CIBAR2: variants seen among roughly 807,000 people sequenced by gnomAD.
CIBAR2 encodes CBY1-interacting BAR domain-containing protein 2.
Under a neutral mutation model 36.2 loss-of-function variants are expected in CIBAR2, and 38 were observed. The ratio of observed to expected loss-of-function variants is 1.05; its 90% confidence interval spans 0.81 to 1.38. CIBAR2 has a LOEUF of 1.38. CIBAR2 is among the 40% of genes most tolerant of loss of function. The pLI is 0.00. For missense variants in CIBAR2, 481 were observed against 383.4 expected, an observed-to-expected ratio of 1.25 and a Z score of -2.13; for synonymous variants, 182 against 149.5, an observed-to-expected ratio of 1.22 and a Z score of -1.58.
rs1304635954 is a variant in CIBAR2 at position 85,110,223 on chromosome 16, C to G, written c.255+3G>C. 6.4e-7 allele frequency: 1 copy of G among 1,555,470 alleles called. No homozygotes were observed. Among genetic ancestry groups the G allele is most frequent in the Non-Finnish European group, 8.7e-7 (1 of 1,146,054 alleles). ...ATCCCAGACCCGGGCCGGCAGCACT[C>G]ACCTGGGCCTGCCGGTAATCCTGCA... On this transcript the variant is annotated splice_donor_region_variant and intron_variant, in intron 2 of 8. Coordinates refer to ENST00000539556, the MANE Select transcript of CIBAR2 (RefSeq NM_198491.3).
chr16:85,107,719 G>T (rs376227010), intron 4 of CIBAR2, 47 bp from the exon 5 acceptor site: 8 of 1,612,368 alleles, frequency 5.0e-6, no homozygotes, highest in Non-Finnish European at 6.8e-6. Context: ...AGGCAGCCCC[G>T]TTGGGGTGGT....
intron 6 of CIBAR2, among the ~76,000 whole-genome samples, chr16:85,103,005 G>A (rs1036563490): frequency 5.9e-5 from 9 of 151,820 alleles, no homozygotes; most frequent in African/African-American, 2.2e-4. Flanking sequence ...GGGTTCAAGC[G>A]ATTCTCCTGC....
At position 85,102,364 on chromosome 16, in the gene CIBAR2, A is replaced by T. The variant is rs111501652; in HGVS notation, c.538-37T>A. On this transcript the variant is annotated intron_variant, in intron 6 of 8. Transcript: ENST00000539556. Reference sequence around the variant, plus strand: ...GAAACCCAAAGAATGTAAGCATCGCAGTGAGAAAGAGCCCAGGGAAGCCTG... The same window carrying T: ...GAAACCCAAAGAATGTAAGCATCGCTGTGAGAAAGAGCCCAGGGAAGCCTG... 3,800 of 1,277,464 alleles carry T rather than the reference A, an allele frequency of 3.0e-3. 91 individuals are homozygous for T. The African/African-American group carries it at 0.049, about 17-fold the overall frequency. The allele number at this position is 1,277,464 out of a possible 1,614,324, so 79.1% of individuals were successfully genotyped here.
intron 5 of CIBAR2, among the ~76,000 whole-genome samples, chr16:85,106,409 G>A (rs1005439370): frequency 1.3e-5 from 2 of 152,162 alleles, no homozygotes; most frequent in African/African-American, 4.8e-5. Context: ...GGTAGCAGGT[G>A]GAATGAAGGT....
At position 85,105,437 on chromosome 16, in the gene CIBAR2, C is replaced by A; in HGVS notation, c.433-6G>T. On this transcript the variant is annotated splice_polypyrimidine_tract_variant and splice_region_variant and intron_variant, in intron 5 of 8. Transcript: ENST00000539556. ...CTCTGCACTCTGGTCTCTGCCTGGC[C>A]CCAGGGACACAAGACGTAGAAAGTG... The A allele has an allele frequency of 1.2e-6, 2 of 1,608,978 alleles. No homozygotes were observed. The highest frequency in any genetic ancestry group is 1.7e-6 in the Non-Finnish European group (2 of 1,175,734).
At chr16:85,100,101 C>T (rs1426020357) in intron 8 of CIBAR2, 38 bp downstream of exon 8, 2 of 1,535,148 alleles carry the variant, frequency 1.3e-6, no homozygotes. Context: ...CCGTGCACGA[C>T]ATTTTAGGTG....
Position 85,105,352 on chromosome 16 carries a change from T to C in CIBAR2, c.512A>G (p.Gln171Arg). The C allele has an allele frequency of 1.2e-6, 2 of 1,613,500 alleles. No homozygotes were observed. Among genetic ancestry groups the C allele is most frequent in the South Asian group, 2.2e-5 (2 of 91,076 alleles). ...LQLEETVDGFQRQKLKDLQKF... is the reference protein window; with the variant it reads ...LQLEETVDGFRRQKLKDLQKF... The stretch of plus-strand genomic sequence containing the variant: ...CTGCAGGTCCTTGAGCTTCTGCCTC[T>C]GGAAGCCATCCACAGTCTCCTCCAG... Residue 171 changes from glutamine (Q) to arginine (R), a missense_variant, in exon 6 of 9, where the codon CAG becomes CGG. Transcript: ENST00000539556.
In CIBAR2 at chr16:85,099,120, G is replaced by A; in HGVS notation, c.*65C>T. ...CAAAGAAAAAAGAATCAGAAAATAA[G>A]AACAAAGCCTCCAGGCAGTCTGGGA... On this transcript the variant is annotated 3_prime_UTR_variant, in exon 9 of 9. Coordinates refer to ENST00000539556, the MANE Select transcript of CIBAR2 (RefSeq NM_198491.3). 6.9e-7 allele frequency: 1 copy of A among 1,439,730 alleles called. No homozygotes were observed. The highest frequency in any genetic ancestry group is 9.2e-7 in the Non-Finnish European group (1 of 1,091,892). The allele number at this position is 1,439,730 out of a possible 1,614,324, so 89.2% of individuals were successfully genotyped here. A position where few individuals can be genotyped will look rare whatever the true frequency, so the allele number is the denominator to read the frequency against.
chr16:85,102,091 A>C, intron 7 of CIBAR2, 123 bp downstream of exon 7: 1 of 636,040 alleles, frequency 1.6e-6, no homozygotes, highest in South Asian at 1.9e-5. Flanking sequence ...CTTCATCAGC[A>C]TGAGTCTTCA....
At chr16:85,103,646 C>T (rs141020268) in intron 6 of CIBAR2, among the ~76,000 whole-genome samples, 1 of 152,354 alleles carries the variant, frequency 6.6e-6, no homozygotes, top group East Asian at 1.9e-4. Context: ...GTTTCAGTTT[C>T]TCCTTGCCAT....
At chr16:85,106,812 C>T (rs903564890) in intron 5 of CIBAR2, among the ~76,000 whole-genome samples, 2 of 152,172 alleles carry the variant, frequency 1.3e-5, no homozygotes, top group South Asian at 2.1e-4. Flanking sequence ...CCAGAAACAT[C>T]GCCAGAGAGT....
rs1157034835 is a variant in CIBAR2, at chr16:85,107,830, T to G, written c.426+16A>C. 1.2e-6 allele frequency: 2 copies of G among 1,609,026 alleles called. No individual in the cohort carries two copies. Among genetic ancestry groups the G allele is most frequent in the Non-Finnish European group, 1.7e-6 (2 of 1,175,468 alleles). On this transcript the variant is annotated intron_variant, in intron 4 of 8. Transcript: ENST00000539556. ...CTGGCCCGGCAGCCCCAGGCCCCAC[T>G]TCCAGGGAAGGATACGATCATTTGC...
chr16:85,100,062 C>G, intron 8 of CIBAR2, 77 bp downstream of exon 8: 1 of 1,142,656 alleles, frequency 8.8e-7, no homozygotes, highest in East Asian at 2.6e-5. Flanking sequence ...TCCTCTAATC[C>G]CTGGGGTTAC....
At chr16:85,111,603 T>TG (rs922056875) in intron 1 of CIBAR2, among the ~76,000 whole-genome samples, 4 of 152,178 alleles carry the variant, frequency 2.6e-5, no homozygotes, top group Non-Finnish European at 5.9e-5. Context: ...CCCAGCTCTT[T>TG]GGGGGGCCGA....
chr16:85,107,704 A>G, intron 4 of CIBAR2, 32 bp from the exon 5 acceptor site: 1 of 1,613,900 alleles, frequency 6.2e-7, no homozygotes, highest in Non-Finnish European at 8.5e-7. Context: ...AACCAAGTTA[A>G]GCCCAGGCAG....
At chr16:85,104,102 G>A (rs1161126180) in intron 6 of CIBAR2, among the ~76,000 whole-genome samples, 1 of 152,242 alleles carries the variant, frequency 6.6e-6, no homozygotes, top group African/African-American at 2.4e-5. Flanking sequence ...TGGCAGCCCC[G>A]TGGGAGCAGA....
chr16:85,104,085 C>A (rs1031827018), intron 6 of CIBAR2, among the ~76,000 whole-genome samples: 1 of 152,240 alleles, frequency 6.6e-6, no homozygotes, highest in Non-Finnish European at 1.5e-5. Flanking sequence ...AACCATTCCA[C>A]CTGGGATGGC....
chr16:85,100,116 C>T (rs780941023), intron 8 of CIBAR2, 23 bp downstream of exon 8: 3 of 1,586,668 alleles, frequency 1.9e-6, no homozygotes, highest in Non-Finnish European at 2.6e-6. Context: ...TAGGTGTAAC[C>T]CCTCACCCAC....
At chr16:85,105,864 T>G (rs78227049) in intron 5 of CIBAR2, among the ~76,000 whole-genome samples, 7,753 of 152,318 alleles carry the variant, frequency 0.051, 256 homozygotes, top group African/African-American at 0.094. Flanking sequence ...TCAACATCTA[T>G]AGACGCTTAC....
Sources: gnomAD v4.1 joint callset for allele counts (sites outside exome capture counted in the v4.1 genomes callset) on GRCh38, gnomAD v4.1.1 for gene constraint, MANE v1.5 for transcripts, NCBI Gene and HGNC (gene_info 2026-07-23, HGNC 2026-07-21) for gene names.